RSPRY1: variants seen among roughly 807,000 people sequenced by gnomAD.
RSPRY1 encodes ring finger and SPRY domain containing 1.
RSPRY1 carries 23 observed loss-of-function variants against 73.1 expected under a neutral mutation model. The observed-to-expected ratio is 0.31, with a 90% CI of 0.23 to 0.45. The LOEUF is 0.45. Among genes scored for constraint, RSPRY1 ranks in the 20% least tolerant of loss-of-function variants. The probability of loss-of-function intolerance (pLI) is 1.00; values close to 1 mark genes in which losing one functional copy is unlikely to be tolerated. For missense variants in RSPRY1, 448 were observed against 698.7 expected (o/e 0.64, Z 4.05); for synonymous variants, 226 against 251.4 (o/e 0.90, Z 0.95).
In RSPRY1 at chr16:57,239,687, A is replaced by G. The variant is rs1368478228; in HGVS notation, c.*712A>G. ...GTTTCTATCCAATTTCAGTACCCAC[A>G]TTTAATGAGGAAAAAATGTTTTACC... On this transcript the variant is annotated 3_prime_UTR_variant, in exon 15 of 15. Transcript: ENST00000394420. The G allele has an allele frequency of 2.0e-5, 3 of 151,558 alleles. No homozygotes were observed. Among genetic ancestry groups the G allele is most frequent in the Non-Finnish European group, 2.9e-5 (2 of 67,936 alleles). The allele number at this position is 151,558 out of a possible 1,614,324, so 9.4% of individuals were successfully genotyped here.
intron 10 of RSPRY1, among the ~76,000 whole-genome samples, chr16:57,226,541 T>C (rs1215821380): frequency 1.3e-5 from 2 of 152,172 alleles, no homozygotes; most frequent in Non-Finnish European, 2.9e-5. Flanking sequence ...TTTTAGACTA[T>C]ATAGGGTAAC....
Position 57,237,234 on chromosome 16 carries a change from C to T in RSPRY1, c.1635-1645C>T, listed in dbSNP as rs181659269. ...TCTCAGCTCACTGCAGCCTCTGCCT[C>T]CTGGGTTCATGCAATTCTCCTGCCT... On this transcript the variant is annotated intron_variant, in intron 14 of 14. Coordinates refer to ENST00000394420, the MANE Select transcript of RSPRY1 (RefSeq NM_133368.3). Among the ~76,000 whole-genome samples, 24 of 152,174 alleles carry T rather than the reference C, an allele frequency of 1.6e-4. 1 individual carries two copies. The East Asian group carries it at 4.7e-3, about 30-fold the overall frequency.
At position 57,207,862 on chromosome 16, in the gene RSPRY1, A is replaced by G. The variant is rs142331358; in HGVS notation, c.351-196A>G. Among the ~76,000 whole-genome samples, 3 of 152,294 alleles carry G rather than the reference A, an allele frequency of 2.0e-5. No homozygotes were observed. The East Asian group carries it at 5.8e-4, about 29-fold the overall frequency. On this transcript the variant is annotated intron_variant, in intron 2 of 14. Transcript: ENST00000394420. ...ATTTTGTCTGTGGGTCATTGTGGAC[A>G]GTGACTGGAAATGAGCACATATGGT...
chr16:57,228,129 C>T (rs1330446895), intron 11 of RSPRY1, among the ~76,000 whole-genome samples: 1 of 151,842 alleles, frequency 6.6e-6, no homozygotes, highest in African/African-American at 2.4e-5. Context: ...AAAAATTAAC[C>T]AGGTGTGGTG....
intron 4 of RSPRY1, among the ~76,000 whole-genome samples, chr16:57,209,985 A>T (rs562921369): frequency 6.6e-6 from 1 of 151,806 alleles, no homozygotes; most frequent in Non-Finnish European, 1.5e-5. Context: ...CACATTCTCT[A>T]TCAAGGCTTT....
intron 8 of RSPRY1, 51 bp from the exon 9 acceptor site, chr16:57,220,681 T>C (rs1257690545): frequency 1.6e-6 from 2 of 1,262,312 alleles, no homozygotes; most frequent in East Asian, 2.3e-5. Flanking sequence ...TAGCTTCTTC[T>C]TTTCTCCACA....
At chr16:57,212,782 T>G (rs2074869137) in intron 4 of RSPRY1, among the ~76,000 whole-genome samples, 190 bp from the exon 5 acceptor site, 1 of 152,058 alleles carries the variant, frequency 6.6e-6, no homozygotes. Context: ...ACCTGGCTAA[T>G]TTTTGTATTC....
intron 6 of RSPRY1, among the ~76,000 whole-genome samples, chr16:57,214,397 G>A (rs1221044261): frequency 6.6e-6 from 1 of 152,114 alleles, no homozygotes; most frequent in African/African-American, 2.4e-5. Flanking sequence ...TTAATATATT[G>A]TCTATGAAGC....
chr16:57,204,946 GAAAC>G lies in RSPRY1; in HGVS notation c.292_295del (p.Gln98MetfsTer5), dbSNP rs1317798486. ...GAGGACCTCATGAGCCAAGGAGAAA[GAAAC>G]AAAATGTGGATGGGCTAGTGTTGGA... On this transcript the variant is annotated frameshift_variant, in exon 2 of 15. Transcript: ENST00000394420. LOFTEE classifies it high-confidence loss of function. 6.2e-7 allele frequency: 1 copy of G among 1,614,188 alleles called. No individual in the cohort carries two copies. The highest frequency in any genetic ancestry group is 8.5e-7 in the Non-Finnish European group (1 of 1,180,034).
At position 57,227,297 on chromosome 16, in the gene RSPRY1, A is replaced by G. The variant is rs1363198616; in HGVS notation, c.1162-45A>G. 5.3e-6 allele frequency: 7 copies of G among 1,317,312 alleles called. No individual in the cohort carries two copies. The African/African-American group carries it at 8.7e-5, about 16-fold the overall frequency. 81.6% of individuals were successfully genotyped at this position (1,317,312 alleles called of 1,614,324 possible). A position where few individuals can be genotyped will look rare whatever the true frequency, so the allele number is the denominator to read the frequency against. On this transcript the variant is annotated intron_variant, in intron 10 of 14. Transcript: ENST00000394420. Reference sequence around the variant, plus strand: ...AAGACACACTCTCTGTTCCCAGGTCAGAGCAGGCAGACTTGCTAATCTTCT... The same window carrying G: ...AAGACACACTCTCTGTTCCCAGGTCGGAGCAGGCAGACTTGCTAATCTTCT...
At chr16:57,208,392 A>AT (rs1472834406) in intron 3 of RSPRY1, among the ~76,000 whole-genome samples, 17 of 89,016 alleles carry the variant, frequency 1.9e-4, no homozygotes, top group Non-Finnish European at 2.4e-4. Flanking sequence ...ATATATATAT[A>AT]TATATATATT....
chr16:57,225,737 CTTTTA>C (rs1386657720), intron 10 of RSPRY1, among the ~76,000 whole-genome samples: 7 of 152,184 alleles, frequency 4.6e-5, no homozygotes, highest in Admixed American at 1.3e-4. Flanking sequence ...CTCAGCCACC[CTTTTA>C]TTTTAACAGT....
chr16:57,232,540 C>G (rs1045276701), intron 13 of RSPRY1, among the ~76,000 whole-genome samples: 1 of 152,164 alleles, frequency 6.6e-6, no homozygotes, highest in African/African-American at 2.4e-5. Context: ...CTATCATACC[C>G]CGTTCTTTTT....
chr16:57,186,591 G>C (rs2074191870), intron 1 of RSPRY1, 140 bp downstream of exon 1: 1 of 152,914 alleles, frequency 6.5e-6, no homozygotes, highest in Non-Finnish European at 1.5e-5. Flanking sequence ...GGCCGGGGTA[G>C]GCTCTGGAAA....
intron 4 of RSPRY1, among the ~76,000 whole-genome samples, chr16:57,209,738 A>G (rs1211262737): frequency 6.6e-6 from 1 of 152,096 alleles, no homozygotes; most frequent in Non-Finnish European, 1.5e-5. Context: ...CAGTAGAGCA[A>G]TCACAGCTCA....
At position 57,214,465 on chromosome 16, in the gene RSPRY1, A is replaced by G. The variant is rs148050913; in HGVS notation, c.702+519A>G. On this transcript the variant is annotated intron_variant, in intron 6 of 14. Coordinates refer to ENST00000394420, the MANE Select transcript of RSPRY1 (RefSeq NM_133368.3). ...CTCATAGTTCTGGCCTGTGGTCTTG[A>G]ATGGTCTGTATTTTTAAAAGTTATT... Among the ~76,000 whole-genome samples the G allele has an allele frequency of 1.1e-4, 16 of 152,304 alleles. No homozygotes were observed. The East Asian group carries it at 3.1e-3, about 29-fold the overall frequency.
chr16:57,205,150 C>T (rs1228347089), intron 2 of RSPRY1, 142 bp downstream of exon 2: 21 of 616,096 alleles, frequency 3.4e-5, no homozygotes, highest in Non-Finnish European at 5.4e-5. Flanking sequence ...TTTAATGCTC[C>T]GCTGATGGCA....
At chr16:57,207,986 C>T (rs1208003212) in intron 2 of RSPRY1, 72 bp from the exon 3 acceptor site, 2 of 912,794 alleles carry the variant, frequency 2.2e-6, no homozygotes, top group African/African-American at 3.3e-5. Flanking sequence ...TCCACACCTC[C>T]AGTTTGAATT....
In RSPRY1 at chr16:57,228,729, G is replaced by A. The variant is rs533647915; in HGVS notation, c.1273+1276G>A. On this transcript the variant is annotated intron_variant, in intron 11 of 14. Coordinates refer to ENST00000394420, the MANE Select transcript of RSPRY1 (RefSeq NM_133368.3). Reference sequence around the variant, plus strand: ...TTTTTGAGACAGGGTCTCATCTATCGATAGCCCAGGCTTGCGTGCAGTGGT... The same window carrying A: ...TTTTTGAGACAGGGTCTCATCTATCAATAGCCCAGGCTTGCGTGCAGTGGT... Among the ~76,000 whole-genome samples, 26 of 152,068 alleles carry A rather than the reference G, an allele frequency of 1.7e-4. No homozygotes were observed. In the South Asian group the frequency reaches 5.4e-3, roughly 32 times the overall value.
Sources: allele counts gnomAD v4.1 joint callset (sites outside exome capture counted in the v4.1 genomes callset), GRCh38; gene constraint gnomAD v4.1.1; transcripts MANE v1.5; gene names NCBI Gene and HGNC (gene_info 2026-07-23, HGNC 2026-07-21).